ACAD11: variants seen among roughly 807,000 people sequenced by gnomAD.
ACAD11 encodes acyl-CoA dehydrogenase family member 11.
A neutral mutation model predicts 102.2 loss-of-function variants in ACAD11; 83 were observed. That is an observed-to-expected ratio of 0.81 (90% CI 0.68 to 0.97). The LOEUF (loss-of-function observed/expected upper bound fraction) is 0.97. Among genes scored for constraint, ACAD11 ranks in the 50% least tolerant of loss-of-function variants. The pLI is 0.00. For missense variants in ACAD11, 901 were observed against 951.7 expected, an observed-to-expected ratio of 0.95 and a Z score of 0.70; for synonymous variants, 324 against 319.8, an observed-to-expected ratio of 1.01 and a Z score of -0.14.
chr3:132,644,818 T>G lies in ACAD11; in HGVS notation c.228A>C (p.Ser76=), dbSNP rs931030647. ...TYVLRKKPPG[S]LLPKAHQIDR... ...ATACCTGATGTGCTTTAGGAAGAAG[T>G]GAACCTGGTGGTTTTTTCCTGAGCA... The change falls in exon 2 of 20, where the codon TCA becomes TCC. Residue 76 remains serine, a synonymous_variant. Coordinates refer to ENST00000264990, the MANE Select transcript of ACAD11 (RefSeq NM_032169.5). The G allele has an allele frequency of 4.3e-6, 7 of 1,611,108 alleles. No individual in the cohort carries two copies. In the African/African-American group the frequency reaches 9.4e-5, roughly 22 times the overall value.
At chr3:132,614,430 C>T (rs906995742) in intron 11 of ACAD11, among the ~76,000 whole-genome samples, 8 of 152,218 alleles carry the variant, frequency 5.3e-5, no homozygotes, top group Admixed American at 2.0e-4. Context: ...AACTATACTA[C>T]GAGGCTACAG....
At chr3:132,624,794 C>G (rs1411396067) in intron 9 of ACAD11, among the ~76,000 whole-genome samples, 1 of 151,636 alleles carries the variant, frequency 6.6e-6, no homozygotes, top group East Asian at 2.0e-4. Flanking sequence ...TCAAGCAATC[C>G]TCCCACCTCA....
At chr3:132,658,723 T>C (rs1937952122) in intron 1 of ACAD11, among the ~76,000 whole-genome samples, 1 of 152,236 alleles carries the variant, frequency 6.6e-6, no homozygotes, top group Admixed American at 6.5e-5. Flanking sequence ...TCATTTATTA[T>C]TATTTTCATT....
chr3:132,596,283 G>A (rs569400578), intron 13 of ACAD11, among the ~76,000 whole-genome samples: 2 of 152,204 alleles, frequency 1.3e-5, no homozygotes, highest in East Asian at 1.9e-4. Flanking sequence ...AAGGGTAGAG[G>A]GTGGTAGAGA....
chr3:132,575,038 G>C (rs1472337221), intron 17 of ACAD11, among the ~76,000 whole-genome samples: 2 of 151,936 alleles, frequency 1.3e-5, no homozygotes, highest in African/African-American at 4.8e-5. Flanking sequence ...GTAGAGACGG[G>C]GTTTCACCAT....
chr3:132,591,977 C>T (rs1938100933), intron 13 of ACAD11, among the ~76,000 whole-genome samples: 1 of 152,028 alleles, frequency 6.6e-6, no homozygotes, highest in Admixed American at 6.6e-5. Context: ...TTTGAAGAAA[C>T]TCAAGAAGTA....
Position 132,639,668 on chromosome 3 carries a change from T to A in ACAD11, c.538-12A>T. On this transcript the variant is annotated splice_polypyrimidine_tract_variant and intron_variant, in intron 4 of 19. Transcript: ENST00000264990. ...GTCCAGGTTGATACCTAAAGACATA[T>A]AAATAAGAAAAATGGTAAAGCTGAA... 1 of 1,596,190 alleles carries A rather than the reference T, an allele frequency of 6.3e-7. No homozygotes were observed. Among genetic ancestry groups the A allele is most frequent in the Non-Finnish European group, 8.5e-7 (1 of 1,174,874 alleles).
chr3:132,643,231 T>C (rs1940590363), intron 2 of ACAD11, among the ~76,000 whole-genome samples: 1 of 152,086 alleles, frequency 6.6e-6, no homozygotes, highest in African/African-American at 2.4e-5. Flanking sequence ...TACAAAGAGC[T>C]GGGGGTGAGA....
chr3:132,605,969 T>G (rs1348053711), intron 11 of ACAD11, among the ~76,000 whole-genome samples: 1 of 152,206 alleles, frequency 6.6e-6, no homozygotes, highest in Non-Finnish European at 1.5e-5. Context: ...GGGTATTGTT[T>G]ATAGTACATG....
At chr3:132,590,984 G>C (rs191064200) in intron 13 of ACAD11, among the ~76,000 whole-genome samples, 3 of 152,140 alleles carry the variant, frequency 2.0e-5, no homozygotes, top group Non-Finnish European at 4.4e-5. Flanking sequence ...AGTTTCTTTT[G>C]CTATGCAGAA....
chr3:132,602,784 A>G (rs1464965839), intron 13 of ACAD11, among the ~76,000 whole-genome samples: 1 of 152,090 alleles, frequency 6.6e-6, no homozygotes, highest in African/African-American at 2.4e-5. Flanking sequence ...AAATGCTTTC[A>G]CATGCAGAAT....
chr3:132,626,264 T>C (rs1157081708), intron 9 of ACAD11, among the ~76,000 whole-genome samples: 3 of 152,236 alleles, frequency 2.0e-5, no homozygotes, highest in Non-Finnish European at 2.9e-5. Context: ...TGCCTTAAAA[T>C]AGTAGCTTAT....
At chr3:132,640,929 C>T (rs1319318251) in intron 4 of ACAD11, among the ~76,000 whole-genome samples, 7 of 152,114 alleles carry the variant, frequency 4.6e-5, no homozygotes, top group African/African-American at 1.7e-4. Context: ...AAATGATCTC[C>T]ATCACTCCAA....
chr3:132,582,935 T>C (rs1457693134), intron 13 of ACAD11, among the ~76,000 whole-genome samples: 1 of 152,154 alleles, frequency 6.6e-6, no homozygotes, highest in Non-Finnish European at 1.5e-5. Flanking sequence ...AGAGGACTCT[T>C]AACTAACTGG....
intron 12 of ACAD11, among the ~76,000 whole-genome samples, chr3:132,604,304 C>T (rs1938747780): frequency 6.6e-6 from 1 of 152,008 alleles, no homozygotes; most frequent in Non-Finnish European, 1.5e-5. Flanking sequence ...TCTTACTATG[C>T]CTAATTTAGA....
intron 12 of ACAD11, 110 bp downstream of exon 12, chr3:132,604,988 A>T: frequency 1.3e-6 from 1 of 777,294 alleles, no homozygotes; most frequent in Non-Finnish European, 2.0e-6. Context: ...ATTTTTGGCC[A>T]ATGGCAAATT....
intron 13 of ACAD11, among the ~76,000 whole-genome samples, chr3:132,584,487 C>T (rs990232097): frequency 3.9e-5 from 6 of 152,144 alleles, no homozygotes; most frequent in African/African-American, 1.4e-4. Context: ...GAATACAGTA[C>T]ACTGATGGGT....
chr3:132,575,988 T>G lies in ACAD11; in HGVS notation c.1847-62A>C, dbSNP rs1009945997. The G allele has an allele frequency of 8.3e-6, 13 of 1,574,784 alleles. No homozygotes were observed. In the African/African-American group the frequency reaches 1.5e-4, roughly 18 times the overall value. On this transcript the variant is annotated intron_variant, in intron 16 of 19. Coordinates refer to ENST00000264990, the MANE Select transcript of ACAD11 (RefSeq NM_032169.5). Reference sequence around the variant, plus strand: ...ATGGCCTAGCCCATTCCTTTTGTTATTTATACAAATCCTGGGAAAGAGATG... The same window carrying G: ...ATGGCCTAGCCCATTCCTTTTGTTAGTTATACAAATCCTGGGAAAGAGATG...
intron 1 of ACAD11, among the ~76,000 whole-genome samples, chr3:132,648,072 T>G (rs1219919127): frequency 6.6e-6 from 1 of 152,166 alleles, no homozygotes; most frequent in Non-Finnish European, 1.5e-5. Context: ...TATGAATTTT[T>G]GAGGGACACA....
Sources: allele counts gnomAD v4.1 joint callset (sites outside exome capture counted in the v4.1 genomes callset), GRCh38; gene constraint gnomAD v4.1.1; transcripts MANE v1.5; gene names NCBI Gene and HGNC (gene_info 2026-07-23, HGNC 2026-07-21).